The following TRPM3 variants were observed in gnomAD, a reference collection of about 807,000 sequenced individuals.
TRPM3 encodes long transient receptor potential channel 3.
In TRPM3, 77 loss-of-function variants were observed where a neutral mutation model predicts 181.2. That is an observed-to-expected ratio of 0.42 (90% CI 0.35 to 0.51). The LOEUF is 0.51. Ranked by LOEUF, TRPM3 falls within the 20% of genes least tolerant of loss-of-function variation. The pLI, the probability that TRPM3 is intolerant of heterozygous loss-of-function variation, is 0.01. For synonymous variants in TRPM3, 745 were observed against 796.4 expected, an observed-to-expected ratio of 0.94 and a Z score of 1.09; for missense variants, 1,759 against 2,196.7, an observed-to-expected ratio of 0.80 and a Z score of 3.98.
At chr9:70,742,502 G>A (rs1439790838) in intron 8 of TRPM3, among the ~76,000 whole-genome samples, 2 of 151,914 alleles carry the variant, frequency 1.3e-5, no homozygotes, top group African/African-American at 2.4e-5. Context: ...ATCCTCCAGC[G>A]GTATAGAACA....
rs149473766 is a variant in TRPM3, at chr9:70,906,262, G to T, written c.178-41751C>A. On this transcript the variant is annotated intron_variant, in intron 1 of 25. Transcript: ENST00000677713. ...CTAGGTAGTAGCCAGGGATTTTAGA[G>T]ATTACATATATTACAGAAAATAAAT... Among the ~76,000 whole-genome samples, 261 of 152,082 alleles carry T rather than the reference G, an allele frequency of 1.7e-3. 9 individuals are homozygous for T. In the East Asian group the frequency reaches 0.048, roughly 28 times the overall value.
At chr9:70,750,730 G>A (rs980128241) in intron 8 of TRPM3, among the ~76,000 whole-genome samples, 11 of 152,160 alleles carry the variant, frequency 7.2e-5, no homozygotes, top group African/African-American at 1.7e-4. Flanking sequence ...AAAATGAAAC[G>A]AGAATTGGAA....
At chr9:70,811,326 T>TAC (rs1564405098) in intron 6 of TRPM3, 2 of 1,196,262 alleles carry the variant, frequency 1.7e-6, no homozygotes, top group African/African-American at 1.5e-5. Context: ...TTACCCAATT[T>TAC]ACATAAATTT....
At chr9:71,355,557 C>T (rs755884238) in intron 1 of TRPM3, among the ~76,000 whole-genome samples, 4 of 152,158 alleles carry the variant, frequency 2.6e-5, no homozygotes, top group Non-Finnish European at 4.4e-5. Flanking sequence ...AAGTTTCTGT[C>T]ATTTTCAGCC....
At chr9:71,209,928 T>C (rs962751073) in intron 1 of TRPM3, among the ~76,000 whole-genome samples, 1 of 152,180 alleles carries the variant, frequency 6.6e-6, no homozygotes, top group African/African-American at 2.4e-5. Context: ...AAGCCTAAAA[T>C]ACTTCCTAGC....
At chr9:71,106,867 G>A (rs771713357) in intron 1 of TRPM3, among the ~76,000 whole-genome samples, 20 of 152,212 alleles carry the variant, frequency 1.3e-4, no homozygotes, top group Non-Finnish European at 2.2e-4. Flanking sequence ...TTGCCAGGGG[G>A]TACAAAAAAG....
intron 1 of TRPM3, among the ~76,000 whole-genome samples, chr9:71,399,941 G>C (rs2093303610): frequency 6.6e-6 from 1 of 152,088 alleles, no homozygotes; most frequent in Non-Finnish European, 1.5e-5. Context: ...GGTGTCAAAA[G>C]ATCAGGTTCT....
At chr9:70,564,301 C>T (rs754250716) in intron 22 of TRPM3, among the ~76,000 whole-genome samples, 5 of 152,100 alleles carry the variant, frequency 3.3e-5, no homozygotes, top group Non-Finnish European at 7.3e-5. Context: ...TTTTGTGTTG[C>T]TGTCCACCTA....
chr9:71,247,697 A>T (rs190564203), intron 1 of TRPM3, among the ~76,000 whole-genome samples: 146 of 152,260 alleles, frequency 9.6e-4, no homozygotes, highest in Non-Finnish European at 1.3e-3. Context: ...CTAGGTAATC[A>T]GCTCAGGGCA....
At chr9:71,129,194 T>G (rs1193433596) in intron 1 of TRPM3, among the ~76,000 whole-genome samples, 1 of 152,260 alleles carries the variant, frequency 6.6e-6, no homozygotes, top group East Asian at 1.9e-4. Flanking sequence ...CCTTTCATTT[T>G]ATTTTTATTA....
At chr9:71,044,470 C>T (rs529846535) in intron 1 of TRPM3, among the ~76,000 whole-genome samples, 113 of 152,328 alleles carry the variant, frequency 7.4e-4, no homozygotes, top group African/African-American at 2.6e-3. Flanking sequence ...GTTCAGCTTC[C>T]AGTCGTCTTT....
chr9:70,610,026 C>T (rs2061772688), intron 19 of TRPM3, among the ~76,000 whole-genome samples: 1 of 152,154 alleles, frequency 6.6e-6, no homozygotes, highest in African/African-American at 2.4e-5. Flanking sequence ...GAAATATTTA[C>T]AGGATGTGCA....
rs554882744 is a variant in TRPM3, at chr9:71,017,065, T to C, written c.177+104113A>G. On this transcript the variant is annotated intron_variant, in intron 1 of 25. Coordinates refer to ENST00000677713, the MANE Select transcript of TRPM3 (RefSeq NM_001366145.2). Reference sequence around the variant, plus strand: ...TTGTGCTATGTGCCAGATATGTCTATATACTGTTAAAAATATTTTCACATT... The same window carrying C: ...TTGTGCTATGTGCCAGATATGTCTACATACTGTTAAAAATATTTTCACATT... Among the ~76,000 whole-genome samples the C allele has an allele frequency of 2.6e-5, 4 of 152,280 alleles. No homozygotes were observed. The South Asian group carries it at 8.3e-4, about 32-fold the overall frequency.
intron 8 of TRPM3, among the ~76,000 whole-genome samples, chr9:70,700,209 C>CTGACT (rs1490004852): frequency 6.6e-6 from 1 of 152,204 alleles, no homozygotes; most frequent in Non-Finnish European, 1.5e-5. Flanking sequence ...TCTTGAACTC[C>CTGACT]TGACTTCAGG....
intron 3 of TRPM3, among the ~76,000 whole-genome samples, chr9:70,861,669 T>A (rs1564621487): frequency 6.6e-6 from 1 of 152,154 alleles, no homozygotes; most frequent in Non-Finnish European, 1.5e-5. Context: ...TGGGGACAGT[T>A]AATAATCTTG....
At chr9:71,169,088 G>C (rs2076708171) in intron 1 of TRPM3, among the ~76,000 whole-genome samples, 1 of 152,152 alleles carries the variant, frequency 6.6e-6, no homozygotes, top group Admixed American at 6.5e-5. Flanking sequence ...GGTCTACTAG[G>C]GAGTGGTTAC....
At chr9:70,828,253 A>G (rs1028463097) in intron 5 of TRPM3, among the ~76,000 whole-genome samples, 1 of 152,254 alleles carries the variant, frequency 6.6e-6, no homozygotes, top group Non-Finnish European at 1.5e-5. Flanking sequence ...GAAATGGGGC[A>G]GAAAATAGAG....
At chr9:70,643,656 T>A (rs2058400133) in intron 9 of TRPM3, among the ~76,000 whole-genome samples, 1 of 152,218 alleles carries the variant, frequency 6.6e-6, no homozygotes, top group African/African-American at 2.4e-5. Flanking sequence ...GGGAGATGTG[T>A]CAATCCTGAA....
intron 8 of TRPM3, among the ~76,000 whole-genome samples, chr9:70,691,160 C>T (rs535570216): frequency 6.6e-6 from 1 of 152,152 alleles, no homozygotes; most frequent in Admixed American, 6.5e-5. Flanking sequence ...CACCAAGTTC[C>T]ATATAAATTA....
Sources: allele counts gnomAD v4.1 joint callset (sites outside exome capture counted in the v4.1 genomes callset), GRCh38; gene constraint gnomAD v4.1.1; transcripts MANE v1.5; gene names NCBI Gene and HGNC (gene_info 2026-07-23, HGNC 2026-07-21).